The following RLIM variants were observed in gnomAD, a reference collection of about 807,000 sequenced individuals.
RLIM encodes E3 ubiquitin-protein ligase RLIM.
A neutral mutation model predicts 34.0 loss-of-function variants in RLIM; 2 were observed. The observed-to-expected ratio is 0.06, with a 90% CI of 0.02 to 0.19. The LOEUF is 0.19. Among genes scored for constraint, RLIM ranks in the 10% least tolerant of loss-of-function variants. The pLI is 1.00. For synonymous variants in RLIM, 169 were observed against 164.0 expected, an observed-to-expected ratio of 1.03 and a Z score of -0.23; for missense variants, 286 against 479.7, an observed-to-expected ratio of 0.60 and a Z score of 3.77.
At chrX:74,613,334 T>C (rs1322018402) in intron 1 of RLIM, among the ~76,000 whole-genome samples, 1 of 110,637 alleles carries the variant, frequency 9.0e-6, no homozygotes, top group Admixed American at 9.7e-5. Flanking sequence ...AAAAAATCAT[T>C]GTGGGGTCTT....
rs139554726 is a variant in RLIM at position 74,601,430 on chromosome X, A to G, written c.-23-5430T>C. 5.1e-3 allele frequency among the ~76,000 whole-genome samples: 570 copies of G among 112,275 alleles called. 7 individuals are homozygous for G. The highest frequency in any genetic ancestry group is 0.017 in the African/African-American group (537 of 30,935). On this transcript the variant is annotated intron_variant, in intron 1 of 3. Coordinates refer to ENST00000332687, the MANE Select transcript of RLIM (RefSeq NM_016120.4). Reference sequence around the variant, plus strand: ...ATACATCTAGGGGAAAATTCTGCAAATACATTATCAGATAAACTGCAAACA... The same window carrying G: ...ATACATCTAGGGGAAAATTCTGCAAGTACATTATCAGATAAACTGCAAACA...
intron 1 of RLIM, among the ~76,000 whole-genome samples, chrX:74,613,384 T>C (rs2079720057): frequency 9.1e-6 from 1 of 109,997 alleles, no homozygotes; most frequent in Admixed American, 9.8e-5. Context: ...TGCTTCCTCT[T>C]GCCCCAAAAT....
In RLIM at chrX:74,585,534, A is replaced by AGTAT. The variant is rs1931327715; in HGVS notation, c.*5902_*5905dup. The AGTAT allele has an allele frequency of 8.9e-6, 1 of 112,337 alleles. No homozygotes were observed. Among genetic ancestry groups the AGTAT allele is most frequent in the Admixed American group, 9.5e-5 (1 of 10,503 alleles). The allele number at this position is 112,337 out of a possible 1,213,427, so 9.3% of individuals were successfully genotyped here. On this transcript the variant is annotated 3_prime_UTR_variant, in exon 4 of 4. Transcript: ENST00000332687. ...TTGATAGTCTATATTTTAAATCTGC[A>AGTAT]GTATGACATCTTACATAGGGAAAAA...
rs2079603325 is a variant in RLIM, at chrX:74,589,485, A to C, written c.*1955T>G. 1 of 112,331 alleles carries C rather than the reference A, an allele frequency of 8.9e-6. No homozygotes were observed. Among genetic ancestry groups the C allele is most frequent in the African/African-American group, 3.2e-5 (1 of 30,961 alleles). 9.3% of individuals were successfully genotyped at this position (112,331 alleles called of 1,213,427 possible). On this transcript the variant is annotated 3_prime_UTR_variant, in exon 4 of 4. Coordinates refer to ENST00000332687, the MANE Select transcript of RLIM (RefSeq NM_016120.4). ...AAAAAATAAGTGAAGCTTTGTTTGGACATTATTTCCTTGCAAGAGCAGTAC... is the reference window on the plus strand; with the variant it reads ...AAAAAATAAGTGAAGCTTTGTTTGGCCATTATTTCCTTGCAAGAGCAGTAC...
At chrX:74,605,108 A>G (rs1022026081) in intron 1 of RLIM, among the ~76,000 whole-genome samples, 2 of 111,377 alleles carry the variant, frequency 1.8e-5, no homozygotes, top group African/African-American at 6.5e-5. Flanking sequence ...TGGCTACAAT[A>G]CCTGCAGAGG....
In RLIM at chrX:74,585,213, A is replaced by T. The variant is rs1406484427; in HGVS notation, c.*6227T>A. ...GCCTACTTAAAATGTCATTCACATA[A>T]ATCTTTCCAGGATTCTTGTATTGGA... is the stretch of plus-strand genomic sequence containing the variant. On this transcript the variant is annotated 3_prime_UTR_variant, in exon 4 of 4. Coordinates refer to ENST00000332687, the MANE Select transcript of RLIM (RefSeq NM_016120.4). 1 of 112,384 alleles carries T rather than the reference A, an allele frequency of 8.9e-6. No individual in the cohort carries two copies. Among genetic ancestry groups the T allele is most frequent in the Non-Finnish European group, 1.9e-5 (1 of 53,292 alleles). 9.3% of individuals were successfully genotyped at this position (112,384 alleles called of 1,213,427 possible).
Position 74,583,115 on chromosome X carries a change from GTT to G in RLIM, c.*8323_*8324del. 3 of 1,193,730 alleles carry G rather than the reference GTT, an allele frequency of 2.5e-6. No homozygotes were observed. In the South Asian group the frequency reaches 5.3e-5, roughly 21 times the overall value. On this transcript the variant is annotated 3_prime_UTR_variant, in exon 4 of 4. Transcript: ENST00000332687. The stretch of plus-strand genomic sequence containing the variant: ...AAACAGTTGGAACACCGGTGGCACT[GTT>G]AACTGCTTTCTGGGCAGTCTCTTTA...
At chrX:74,610,229 C>T (rs184473365) in intron 1 of RLIM, among the ~76,000 whole-genome samples, 9 of 111,139 alleles carry the variant, frequency 8.1e-5, no homozygotes, top group Admixed American at 7.7e-4. Context: ...CCAGCTTGGC[C>T]AACATGGTGA....
rs1355785320 is a variant in RLIM at position 74,589,339 on chromosome X, T to TAGGAAAGG, written c.*2093_*2100dup. ...ATCTGAAAACTGTAGATTACATCCT[T>TAGGAAAGG]AGGAAAGGAGAAAAGGAGGCTCACA... On this transcript the variant is annotated 3_prime_UTR_variant, in exon 4 of 4. Transcript: ENST00000332687. 1 of 111,575 alleles carries TAGGAAAGG rather than the reference T, an allele frequency of 9.0e-6. No homozygotes were observed. Among genetic ancestry groups the TAGGAAAGG allele is most frequent in the Admixed American group, 9.6e-5 (1 of 10,414 alleles). 9.2% of individuals were successfully genotyped at this position (111,575 alleles called of 1,213,427 possible). A position where few individuals can be genotyped will look rare whatever the true frequency, so the allele number is the denominator to read the frequency against.
chrX:74,588,398 G>A lies in RLIM; in HGVS notation c.*3042C>T, dbSNP rs2147369920. The A allele has an allele frequency of 9.0e-6, 1 of 111,441 alleles. No individual in the cohort carries two copies. Among genetic ancestry groups the A allele is most frequent in the South Asian group, 3.8e-4 (1 of 2,653 alleles). 9.2% of individuals were successfully genotyped at this position (111,441 alleles called of 1,213,427 possible). A position where few individuals can be genotyped will look rare whatever the true frequency, so the allele number is the denominator to read the frequency against. The stretch of plus-strand genomic sequence containing the variant: ...AGACAGGAGAATTGCTTGAACCCAG[G>A]AGGCAGAGGTTGCAGTGAGCCGAGA... On this transcript the variant is annotated 3_prime_UTR_variant, in exon 4 of 4. Coordinates refer to ENST00000332687, the MANE Select transcript of RLIM (RefSeq NM_016120.4).
intron 1 of RLIM, among the ~76,000 whole-genome samples, chrX:74,603,558 C>G (rs1041149561): frequency 1.3e-4 from 14 of 111,749 alleles, no homozygotes; most frequent in African/African-American, 4.6e-4. Context: ...ACCAGAATTA[C>G]AGTCCCTTTA....
rs879222169 is a variant in RLIM at position 74,583,048 on chromosome X, T to C, written c.*8392A>G. The C allele has an allele frequency of 1.4e-5, 12 of 867,326 alleles. No homozygotes were observed. In the South Asian group the frequency reaches 1.5e-4, roughly 11 times the overall value. The allele number at this position is 867,326 out of a possible 1,213,427, so 71.5% of individuals were successfully genotyped here. ...TTTTCGATGTTTAGATATTTTTCTT[T>C]GGTGAAGCACAAGTTTCTTTTCGTG... On this transcript the variant is annotated 3_prime_UTR_variant, in exon 4 of 4. Coordinates refer to ENST00000332687, the MANE Select transcript of RLIM (RefSeq NM_016120.4).
chrX:74,601,019 C>T (rs778101815), intron 1 of RLIM, among the ~76,000 whole-genome samples: 1 of 109,037 alleles, frequency 9.2e-6, no homozygotes, highest in Non-Finnish European at 1.9e-5. Flanking sequence ...AATGAAACTC[C>T]GTCTCAAAGG....
At chrX:74,596,444 C>T (rs188043760) in intron 1 of RLIM, among the ~76,000 whole-genome samples, 2 of 111,503 alleles carry the variant, frequency 1.8e-5, no homozygotes, top group East Asian at 2.8e-4. Flanking sequence ...CAGGGTTTCA[C>T]CATGTTGGCC....
intron 1 of RLIM, among the ~76,000 whole-genome samples, chrX:74,613,676 TTGG>T (rs1250805715): frequency 1.9e-5 from 2 of 106,025 alleles, no homozygotes; most frequent in African/African-American, 6.9e-5. Context: ...GATTGAGTTG[TTGG>T]TGGATTAAAC....
chrX:74,593,620 T>C (rs1226655575), intron 3 of RLIM, among the ~76,000 whole-genome samples: 1 of 112,860 alleles, frequency 8.9e-6, no homozygotes, highest in Non-Finnish European at 1.9e-5. Context: ...AGGTTTTCAA[T>C]GGACATGAAG....
intron 1 of RLIM, among the ~76,000 whole-genome samples, chrX:74,601,826 C>T (rs1411484178): frequency 9.0e-6 from 1 of 111,542 alleles, no homozygotes; most frequent in Non-Finnish European, 1.9e-5. Flanking sequence ...TGTTAAAATA[C>T]AGATTCTGAT....
chrX:74,583,743 C>A lies in RLIM; in HGVS notation c.*7697G>T, dbSNP rs1602157765. On this transcript the variant is annotated 3_prime_UTR_variant, in exon 4 of 4. Transcript: ENST00000332687. ...ATATTACCATTAATCCTCCAAAAAA[C>A]AAAAAAACAAAAAACAATTTGCGGC... Among the ~76,000 whole-genome samples, 1 of 111,380 alleles carries A rather than the reference C, an allele frequency of 9.0e-6. No individual in the cohort carries two copies. Among genetic ancestry groups the A allele is most frequent in the Middle Eastern group, 4.6e-3 (1 of 216 alleles).
chrX:74,592,747 T>C lies in RLIM; in HGVS notation c.568A>G (p.Arg190Gly). 1 of 1,211,993 alleles carries C rather than the reference T, an allele frequency of 8.3e-7. No individual in the cohort carries two copies. The highest frequency in any genetic ancestry group is 1.1e-6 in the Non-Finnish European group (1 of 895,523). Residue 190 changes from arginine (R) to glycine (G), a missense_variant, in exon 4 of 4, where the codon AGA (arginine) becomes GGA (glycine). Coordinates refer to ENST00000332687, the MANE Select transcript of RLIM (RefSeq NM_016120.4). ...GCTTCAGTTGAATTTCGTTCTGATC[T>C]AGATGGCCTTGCAGATGTTGATTCA... is the stretch of plus-strand genomic sequence containing the variant. ...RSESTSARPS[R>G]SERNSTEALT...
Sources: gnomAD v4.1 joint callset for allele counts (sites outside exome capture counted in the v4.1 genomes callset) on GRCh38, gnomAD v4.1.1 for gene constraint, MANE v1.5 for transcripts, NCBI Gene and HGNC (gene_info 2026-07-23, HGNC 2026-07-21) for gene names.